Variants in CUL1 observed in about 807,000 individuals in gnomAD.
The protein encoded by CUL1 is cullin-1.
In CUL1, 24 loss-of-function variants were observed where a neutral mutation model predicts 118.0. That is an observed-to-expected ratio of 0.20 (90% CI 0.15 to 0.29). The LOEUF (loss-of-function observed/expected upper bound fraction) is 0.29, where lower values mean the gene tolerates loss of function less well. CUL1 is among the 10% of genes least tolerant of loss of function. CUL1 has a pLI of 1.00. For synonymous variants in CUL1, 332 were observed against 340.4 expected (o/e 0.98, Z 0.27); for missense variants, 361 against 933.8 (o/e 0.39, Z 7.99).
At chr7:148,701,466 T>C (rs1284199844) in intron 1 of CUL1, among the ~76,000 whole-genome samples, 2 of 152,194 alleles carry the variant, frequency 1.3e-5, no homozygotes, top group African/African-American at 4.8e-5. Context: ...TTAACTTTTT[T>C]CCCCCTTAAA....
intron 4 of CUL1, among the ~76,000 whole-genome samples, chr7:148,757,387 A>T (rs1279716267): frequency 6.6e-6 from 1 of 152,162 alleles, no homozygotes; most frequent in Non-Finnish European, 1.5e-5. Context: ...GCTTTTTAAA[A>T]ATTTCTTCTT....
intron 2 of CUL1, among the ~76,000 whole-genome samples, chr7:148,741,568 A>G (rs1302416699): frequency 1.3e-5 from 2 of 151,796 alleles, no homozygotes; most frequent in African/African-American, 4.8e-5. Flanking sequence ...CCTCCCGAGT[A>G]GCTGGAACCG....
chr7:148,699,839 C>T (rs1797663979), intron 1 of CUL1, among the ~76,000 whole-genome samples: 1 of 152,024 alleles, frequency 6.6e-6, no homozygotes, highest in Non-Finnish European at 1.5e-5. Context: ...GGAGCGCGCG[C>T]CCTGACCCTG....
At chr7:148,742,598 G>GTTTTTTTTTTTTTTTTTTTTTTTTTTTT (rs59592789) in intron 2 of CUL1, among the ~76,000 whole-genome samples, 2 of 112,162 alleles carry the variant, frequency 1.8e-5, no homozygotes, top group Admixed American at 1.0e-4. Context: ...ACCTTTTCTG[G>GTTTTTTTTTTTTTTTTTTTTTTTTTTTT]TTTTTTTTTT....
chr7:148,793,251 A>G (rs1801077863), intron 17 of CUL1, among the ~76,000 whole-genome samples: 1 of 152,218 alleles, frequency 6.6e-6, no homozygotes, highest in South Asian at 2.1e-4. Context: ...TACTAAGCTT[A>G]AATTTCCACT....
chr7:148,790,453 T>G lies in CUL1; in HGVS notation c.1806+12T>G, dbSNP rs1294268010. Reference sequence around the variant, plus strand: ...GATATACTTTGCAGGTAAGATCACATTTTTATCTTAAAATTTTTCTATTCT... The same window carrying G: ...GATATACTTTGCAGGTAAGATCACAGTTTTATCTTAAAATTTTTCTATTCT... On this transcript the variant is annotated intron_variant, in intron 16 of 21. Transcript: ENST00000325222. 6.2e-7 allele frequency: 1 copy of G among 1,604,272 alleles called. No individual in the cohort carries two copies. Among genetic ancestry groups the G allele is most frequent in the Admixed American group, 1.7e-5 (1 of 58,362 alleles).
chr7:148,768,468 T>A (rs1800083830), intron 9 of CUL1, among the ~76,000 whole-genome samples: 2 of 140,778 alleles, frequency 1.4e-5, no homozygotes, highest in Non-Finnish European at 3.0e-5. Context: ...CACTGCAACC[T>A]CCGCTTCCTG....
At chr7:148,727,428 A>G (rs776693567) in intron 1 of CUL1, among the ~76,000 whole-genome samples, 3 of 152,190 alleles carry the variant, frequency 2.0e-5, no homozygotes, top group African/African-American at 4.8e-5. Context: ...AAGCTTTTCA[A>G]TTCCTTGATT....
intron 9 of CUL1, among the ~76,000 whole-genome samples, chr7:148,768,801 T>G (rs574777397): frequency 6.6e-6 from 1 of 152,342 alleles, no homozygotes; most frequent in Non-Finnish European, 1.5e-5. Flanking sequence ...AAATAGTATT[T>G]TTTTAATCCT....
intron 2 of CUL1, among the ~76,000 whole-genome samples, chr7:148,735,632 A>T (rs949619330): frequency 1.3e-5 from 2 of 152,252 alleles, no homozygotes; most frequent in Non-Finnish European, 2.9e-5. Flanking sequence ...GACACTTTTC[A>T]TCTTGCACTC....
intron 1 of CUL1, among the ~76,000 whole-genome samples, chr7:148,712,049 C>G (rs1476906206): frequency 6.6e-6 from 1 of 152,152 alleles, no homozygotes; most frequent in Admixed American, 6.5e-5. Flanking sequence ...TCCACAGGCC[C>G]TCTAAAAGGA....
intron 2 of CUL1, among the ~76,000 whole-genome samples, chr7:148,738,018 G>C (rs1799016244): frequency 6.6e-6 from 1 of 152,180 alleles, no homozygotes; most frequent in African/African-American, 2.4e-5. Context: ...GTGGTAGTAG[G>C]AAGTGATTCT....
upstream of CUL1, chr7:148,698,408 G>A (rs183774531): frequency 4.7e-4 from 71 of 152,358 alleles, no homozygotes; most frequent in African/African-American, 1.7e-3. Flanking sequence ...CCCCGCTCGC[G>A]AGGTCCGAAG....
chr7:148,798,065 C>T (rs767987178), intron 19 of CUL1, 46 bp downstream of exon 19: 18 of 1,118,272 alleles, frequency 1.6e-5, no homozygotes, highest in Non-Finnish European at 2.3e-5. Flanking sequence ...ATAGACACGT[C>T]CCCCGGGAGC....
intron 2 of CUL1, among the ~76,000 whole-genome samples, chr7:148,748,081 CAA>C (rs1341709978): frequency 6.6e-6 from 1 of 151,970 alleles, no homozygotes; most frequent in South Asian, 2.1e-4. Flanking sequence ...CAAAATAAAA[CAA>C]GAGCTATAAG....
intron 1 of CUL1, among the ~76,000 whole-genome samples, chr7:148,706,304 C>T (rs1797880445): frequency 6.6e-6 from 1 of 152,148 alleles, no homozygotes; most frequent in Non-Finnish European, 1.5e-5. Flanking sequence ...AAGACTGTGC[C>T]GAGCTTGCTT....
chr7:148,716,164 T>A (rs1335905645), intron 1 of CUL1, among the ~76,000 whole-genome samples: 1 of 152,206 alleles, frequency 6.6e-6, no homozygotes, highest in Non-Finnish European at 1.5e-5. Context: ...TACAACTTTT[T>A]GCTTTTTTTA....
At chr7:148,760,077 A>G (rs1240285417) in intron 6 of CUL1, among the ~76,000 whole-genome samples, 1 of 152,218 alleles carries the variant, frequency 6.6e-6, no homozygotes, top group East Asian at 1.9e-4. Context: ...AAAGTTCTCT[A>G]AAGGAACTTC....
At chr7:148,775,850 C>A (rs1379634635) in intron 9 of CUL1, among the ~76,000 whole-genome samples, 1 of 125,960 alleles carries the variant, frequency 7.9e-6, no homozygotes. Context: ...ATTAAAATAC[C>A]ACCAGAAAAA....
Sources: gnomAD v4.1 joint callset for allele counts (sites outside exome capture counted in the v4.1 genomes callset) on GRCh38, gnomAD v4.1.1 for gene constraint, MANE v1.5 for transcripts, NCBI Gene and HGNC (gene_info 2026-07-23, HGNC 2026-07-21) for gene names.